Variants in PCID2 observed in about 807,000 individuals in gnomAD.
The protein encoded by PCID2 is PCI domain containing 2.
In PCID2, 41 loss-of-function variants were observed where a neutral mutation model predicts 61.3. The observed-to-expected ratio is 0.67, with a 90% confidence interval of 0.52 to 0.87. The LOEUF (loss-of-function observed/expected upper bound fraction) is 0.87. Ranked by LOEUF, PCID2 falls within the 40% of genes least tolerant of loss-of-function variation. The pLI, the probability that PCID2 is intolerant of heterozygous loss-of-function variation, is 0.00. For synonymous variants in PCID2, 187 were observed against 177.8 expected (o/e 1.05, Z -0.41); for missense variants, 392 against 493.4 (o/e 0.79, Z 1.95).
In PCID2 at chr13:113,203,084, G is replaced by A. The variant is rs1022887922; in HGVS notation, c.37-2568C>T. 2.0e-5 allele frequency among the ~76,000 whole-genome samples: 3 copies of A among 152,366 alleles called. No homozygotes were observed. In the South Asian group the frequency reaches 6.2e-4, roughly 32 times the overall value. ...CCTGAACTGCTTGTGAGTGCAGTGGGTAGGGCGGTGTCGCCGGGACCACAG... is the reference window on the plus strand; with the variant it reads ...CCTGAACTGCTTGTGAGTGCAGTGGATAGGGCGGTGTCGCCGGGACCACAG... On this transcript the variant is annotated intron_variant, in intron 1 of 13. Transcript: ENST00000337344.
intron 10 of PCID2, among the ~76,000 whole-genome samples, chr13:113,180,461 CCTT>C (rs2037532234): frequency 1.3e-5 from 2 of 152,202 alleles, no homozygotes; most frequent in South Asian, 4.1e-4. Flanking sequence ...TTGATCTTGA[CCTT>C]CTCACATTTC....
At chr13:113,171,364 A>C in the PCID2 span, among the ~76,000 whole-genome samples, 3 of 152,152 alleles carry the variant, frequency 2.0e-5, no homozygotes, top group Non-Finnish European at 4.4e-5. This position sits in a 1 kb window ranked among gnomAD's most constrained non-coding sequence, Gnocchi z 5.1. Flanking sequence ...AAACAGAAGA[A>C]CTAACCTTGA....
chr13:113,189,422 CT>C (rs1336769797), intron 7 of PCID2, among the ~76,000 whole-genome samples: 1 of 151,844 alleles, frequency 6.6e-6, no homozygotes, highest in East Asian at 1.9e-4. Flanking sequence ...ATTCCCCAGC[CT>C]CAGGTATTCC....
intron 1 of PCID2, 131 bp downstream of exon 1, chr13:113,208,468 G>A: frequency 1.3e-6 from 2 of 1,529,776 alleles, no homozygotes; most frequent in African/African-American, 1.4e-5. Context: ...GCGGCTGCCC[G>A]CCGGGGACCC....
downstream of PCID2, among the ~76,000 whole-genome samples, chr13:113,176,547 A>AC: frequency 2.0e-4 from 1 of 4,960 alleles, no homozygotes; most frequent in African/African-American, 2.8e-4. Flanking sequence ...GAATTGCTTT[A>AC]GCCCAGGCGT....
At chr13:113,194,804 A>G (rs2038887098) in intron 6 of PCID2, among the ~76,000 whole-genome samples, 1 of 152,240 alleles carries the variant, frequency 6.6e-6, no homozygotes, top group African/African-American at 2.4e-5. Flanking sequence ...CTCACTTCAT[A>G]AAAATAACAC....
At chr13:113,177,068 C>T (rs760354766), downstream of PCID2, among the ~76,000 whole-genome samples, 2 of 152,210 alleles carry the variant, frequency 1.3e-5, no homozygotes, top group African/African-American at 2.4e-5. Context: ...TCAGCGTCCA[C>T]GCAGCCCTTC....
rs1198998787 is a variant in PCID2 at position 113,179,032 on chromosome 13, C to T, written c.1044G>A (p.Lys348=). ...LSLDAFLVAL[K]FMQVEDVDID... is the part of the protein sequence containing the mutation. ...TGTCCACGTCCTCCACCTGCATGAA[C>T]TTCAAGGCAACCAGAAAAGCATCCA... is the stretch of plus-strand genomic sequence containing the variant. Residue 348 remains lysine (K), a synonymous_variant, in exon 13 of 14, where the codon AAG becomes AAA. Coordinates refer to ENST00000337344, the MANE Select transcript of PCID2 (RefSeq NM_001127202.4). The surrounding 1 kb of genome is among the most constrained non-coding windows in gnomAD (Gnocchi z 4.3). The T allele has an allele frequency of 1.2e-6, 2 of 1,613,964 alleles. No individual in the cohort carries two copies. Among genetic ancestry groups the T allele is most frequent in the Admixed American group, 1.7e-5 (1 of 60,012 alleles).
chr13:113,181,176 T>G lies in PCID2; in HGVS notation c.740A>C (p.Asn247Thr). 6.2e-7 allele frequency: 1 copy of G among 1,613,836 alleles called. No homozygotes were observed. The highest frequency in any genetic ancestry group is 8.5e-7 in the Non-Finnish European group (1 of 1,179,702). Reference sequence around the variant, plus strand: ...CAAATAGATCAGAATCATCCTTTTGTTCTTCTGACTAGAACGGTGACAATG... The same window carrying G: ...CAAATAGATCAGAATCATCCTTTTGGTCTTCTGACTAGAACGGTGACAATG... ...FEHCHRSSQK[N>T]KRMILIYLLP... is the part of the protein sequence containing the mutation. Residue 247 changes from asparagine (N) to threonine (T), a missense_variant, in exon 10 of 14, where the codon AAC becomes ACC. Transcript: ENST00000337344.
At position 113,184,377 on chromosome 13, in the gene PCID2, G is replaced by A; in HGVS notation, c.654C>T (p.Arg218=). ...QRVTYKYYVG[R]KAMFDSDFKQ... ...TAAAATCGCTGTCAAACATAGCCTT[G>A]CGTCCAACGTAGTATTTGTATGTTA... The change falls in exon 9 of 14, where the codon CGC becomes CGT. Residue 218 remains arginine, a synonymous_variant. Transcript: ENST00000337344. 3 of 1,613,318 alleles carry A rather than the reference G, an allele frequency of 1.9e-6. No homozygotes were observed. The highest frequency in any genetic ancestry group is 2.5e-6 in the Non-Finnish European group (3 of 1,179,324).
chr13:113,167,904 G>C, the PCID2 span, among the ~76,000 whole-genome samples: 1 of 151,976 alleles, frequency 6.6e-6, no homozygotes, highest in African/African-American at 2.4e-5. Flanking sequence ...TTATGATTCT[G>C]TTTTCTCTCC....
chr13:113,194,393 C>G (rs148063912), intron 6 of PCID2, among the ~76,000 whole-genome samples: 1 of 152,058 alleles, frequency 6.6e-6, no homozygotes, highest in African/African-American at 2.4e-5. Flanking sequence ...AAAAAGGAAA[C>G]CTGGAGACTC....
At chr13:113,166,384 G>A in the PCID2 span, 2 of 152,200 alleles carry the variant, frequency 1.3e-5, no homozygotes, top group Non-Finnish European at 2.9e-5. Flanking sequence ...CCGTACCCGA[G>A]TGTGGCTGCC....
chr13:113,194,106 A>T (rs2038822727), intron 6 of PCID2, among the ~76,000 whole-genome samples: 1 of 152,152 alleles, frequency 6.6e-6, no homozygotes. Flanking sequence ...AGCCTCTGAC[A>T]TCCACCTGGT....
chr13:113,185,655 G>A (rs1244477409), intron 7 of PCID2, 95 bp from the exon 8 acceptor site: 12 of 759,478 alleles, frequency 1.6e-5, no homozygotes, highest in African/African-American at 1.4e-4. Context: ...ATATCTTGAG[G>A]TAAGTCCCAA....
Position 113,179,001 on chromosome 13 carries a change from C to T in PCID2, c.1075G>A (p.Glu359Lys), listed in dbSNP as rs1342931482. Residue 359 changes from glutamate to lysine, a missense_variant, in exon 13 of 14, where the codon GAA (glutamate) becomes AAA (lysine). Around this residue, in one of 3 missense-constraint regions of PCID2, gnomAD observed 226 missense variants for 296.5 expected, o/e 0.76. Transcript: ENST00000337344. The surrounding 1 kb of genome is among the most constrained non-coding windows in gnomAD (Gnocchi z 4.3). ...FMQVEDVDID[E>K]VQCILANLIY... Reference sequence around the variant, plus strand: ...AAGTTAGCCAGAATACACTGAACTTCGTCAATGTCCACGTCCTCCACCTGC... The same window carrying T: ...AAGTTAGCCAGAATACACTGAACTTTGTCAATGTCCACGTCCTCCACCTGC... 1.9e-6 allele frequency: 3 copies of T among 1,613,510 alleles called. No individual in the cohort carries two copies. Among genetic ancestry groups the T allele is most frequent in the Non-Finnish European group, 2.5e-6 (3 of 1,179,610 alleles).
chr13:113,181,835 T>C (rs1721596746), intron 9 of PCID2, among the ~76,000 whole-genome samples: 2 of 152,318 alleles, frequency 1.3e-5, no homozygotes, highest in South Asian at 4.1e-4. Context: ...AGTAATTCTA[T>C]TTGTCAAGAT....
chr13:113,165,098 A>G, the PCID2 span: 1 of 1,612,550 alleles, frequency 6.2e-7, no homozygotes, highest in Non-Finnish European at 8.5e-7. Flanking sequence ...CGTGCACCGG[A>G]TCTACAGGAC....
chr13:113,176,518 T>C, downstream of PCID2, among the ~76,000 whole-genome samples: 1 of 152,280 alleles, frequency 6.6e-6, no homozygotes, highest in Admixed American at 6.5e-5. Context: ...CCCCAGCACT[T>C]TGGGAGGCCG....
Sources: gnomAD v4.1 joint callset for allele counts (sites outside exome capture counted in the v4.1 genomes callset) on GRCh38, gnomAD v4.1.1 for gene constraint, gnomAD v4.1.1 regional missense constraint, Gnocchi (gnomAD v3.1) non-coding constraint, MANE v1.5 for transcripts, NCBI Gene and HGNC (gene_info 2026-07-23, HGNC 2026-07-21) for gene names.